The following SLC5A4 variants were observed in gnomAD, a reference collection of about 807,000 sequenced individuals.
The protein encoded by SLC5A4 is solute carrier family 5 member 4, also known as probable glucose sensor protein SLC5A4.
A neutral mutation model predicts 70.3 loss-of-function variants in SLC5A4; 55 were observed. The observed-to-expected ratio is 0.78, with a 90% CI of 0.63 to 0.98. The LOEUF is 0.98. Ranked by LOEUF, SLC5A4 falls within the 50% of genes least tolerant of loss-of-function variation. The pLI is 0.00. For synonymous variants in SLC5A4, 268 were observed against 305.7 expected (o/e 0.88, Z 1.29); for missense variants, 735 against 839.2 (o/e 0.88, Z 1.53).
intron 7 of SLC5A4, among the ~76,000 whole-genome samples, chr22:32,236,464 A>C (rs746664922): frequency 1.3e-5 from 2 of 152,208 alleles, no homozygotes; most frequent in Non-Finnish European, 2.9e-5. Flanking sequence ...ATCCACTACA[A>C]TACATTGTTA....
At chr22:32,326,882 G>C in the SLC5A4 span, among the ~76,000 whole-genome samples, 24 of 152,162 alleles carry the variant, frequency 1.6e-4, no homozygotes, top group Admixed American at 6.5e-5. Context: ...AGATGTCCTT[G>C]CATCTGGAAG....
chr22:32,333,599 GC>G, the SLC5A4 span, among the ~76,000 whole-genome samples: 1 of 152,070 alleles, frequency 6.6e-6, no homozygotes, highest in Non-Finnish European at 1.5e-5. Context: ...TGGTGCCCTT[GC>G]ATCTCCGTGC....
the SLC5A4 span, chr22:32,270,334 G>A: frequency 9.6e-7 from 1 of 1,045,224 alleles, no homozygotes; most frequent in South Asian, 1.3e-5. Context: ...CAGGAAGAAT[G>A]GGGCTCTGTC....
chr22:32,240,667 C>T (rs1926461321), intron 5 of SLC5A4, among the ~76,000 whole-genome samples: 1 of 152,076 alleles, frequency 6.6e-6, no homozygotes, highest in African/African-American at 2.4e-5. Flanking sequence ...TACTTGAAAC[C>T]TTGAAAGAAT....
chr22:32,245,393 T>C (rs963941374), intron 5 of SLC5A4, among the ~76,000 whole-genome samples: 2 of 152,182 alleles, frequency 1.3e-5, no homozygotes, highest in Non-Finnish European at 2.9e-5. Context: ...ACCAACATTC[T>C]GTCCCTCCCC....
chr22:32,245,060 T>A (rs1266981298), intron 5 of SLC5A4, among the ~76,000 whole-genome samples: 1 of 152,150 alleles, frequency 6.6e-6, no homozygotes, highest in Non-Finnish European at 1.5e-5. Context: ...ATAGTTTATA[T>A]CAAATCTCAA....
Position 32,235,020 on chromosome 22 carries a change from C to G in SLC5A4, c.738G>C (p.Gly246=). 1 of 1,613,806 alleles carries G rather than the reference C, an allele frequency of 6.2e-7. No homozygotes were observed. The highest frequency in any genetic ancestry group is 8.5e-7 in the Non-Finnish European group (1 of 1,179,974). ...AACTGGCACTGATTGTCAAGTTGTC[C>G]CCCTCGACTACGGATGGGGTGGCAT... ...YVNATPSVVE[G]DNLTISASCY... Residue 246 remains glycine (G), a synonymous_variant, in exon 8 of 15, where the codon GGG becomes GGC. Transcript: ENST00000266086.
At chr22:32,269,662 C>T in the SLC5A4 span, 6 of 591,912 alleles carry the variant, frequency 1.0e-5, no homozygotes, top group South Asian at 3.0e-5. This position sits in a 1 kb window ranked among gnomAD's most constrained non-coding sequence, Gnocchi z 4.1. Flanking sequence ...GTCGTCAGCT[C>T]GCTGTTATAC....
chr22:32,233,750 C>A (rs1925899029), intron 8 of SLC5A4, among the ~76,000 whole-genome samples: 1 of 151,874 alleles, frequency 6.6e-6, no homozygotes, highest in Non-Finnish European at 1.5e-5. Flanking sequence ...TTGCTGGAGT[C>A]CAGGAGTTTG....
chr22:32,285,682 C>T, the SLC5A4 span, among the ~76,000 whole-genome samples: 1 of 150,786 alleles, frequency 6.6e-6, no homozygotes, highest in Admixed American at 6.6e-5. Flanking sequence ...CTATTTAAGC[C>T]TTTAATATAA....
At chr22:32,270,688 C>T in the SLC5A4 span, 8 of 693,178 alleles carry the variant, frequency 1.2e-5, no homozygotes, top group East Asian at 2.1e-4. Context: ...CATCCACCTG[C>T]TGGAAGGAAT....
intron 11 of SLC5A4, 134 bp downstream of exon 11, chr22:32,229,060 T>C: frequency 1.4e-6 from 1 of 728,390 alleles, no homozygotes; most frequent in South Asian, 2.6e-5. Flanking sequence ...TTGAATTTGA[T>C]GTACTCCAAT....
At chr22:32,325,590 T>A in the SLC5A4 span, among the ~76,000 whole-genome samples, 2 of 152,178 alleles carry the variant, frequency 1.3e-5, no homozygotes, top group Non-Finnish European at 2.9e-5. Flanking sequence ...CTGGACCTGA[T>A]CCCGAGGCTG....
At chr22:32,327,033 T>A in the SLC5A4 span, 87,860 of 152,124 alleles carry the variant, frequency 0.58, 25,493 homozygotes, top group East Asian at 0.65. Context: ...CCAACTGCTG[T>A]CCTCCGGATC....
At chr22:32,222,929 C>T (rs569909597) in intron 13 of SLC5A4, among the ~76,000 whole-genome samples, 2 of 152,176 alleles carry the variant, frequency 1.3e-5, no homozygotes, top group Admixed American at 1.3e-4. Flanking sequence ...AGAGTGTCTC[C>T]CCACTCCCTG....
intron 5 of SLC5A4, among the ~76,000 whole-genome samples, chr22:32,239,390 G>A (rs1352168677): frequency 6.7e-6 from 1 of 149,794 alleles, no homozygotes; most frequent in Non-Finnish European, 1.5e-5. Flanking sequence ...GACAGGCTGA[G>A]TAATTGCTTA....
intron 13 of SLC5A4, among the ~76,000 whole-genome samples, chr22:32,223,927 CT>C (rs913185642): frequency 2.0e-4 from 30 of 147,364 alleles, no homozygotes; most frequent in Non-Finnish European, 2.4e-4. Context: ...GCAAGGAACT[CT>C]TTTTTTTTTT....
the SLC5A4 span, among the ~76,000 whole-genome samples, chr22:32,336,417 T>G: frequency 5.3e-5 from 8 of 152,346 alleles, no homozygotes; most frequent in South Asian, 1.2e-3. Flanking sequence ...TTAAGGCATT[T>G]TAATTAAGAT....
At chr22:32,269,681 G>T in the SLC5A4 span, 3 of 598,304 alleles carry the variant, frequency 5.0e-6, no homozygotes, top group Non-Finnish European at 3.3e-6. The surrounding 1 kb of genome is among the most constrained non-coding windows in gnomAD (Gnocchi z 4.1). Context: ...ACCTGAACCA[G>T]AGCATTCCCC....
Sources: allele counts gnomAD v4.1 joint callset (sites outside exome capture counted in the v4.1 genomes callset), GRCh38; gene constraint gnomAD v4.1.1; non-coding constraint Gnocchi (gnomAD v3.1); transcripts MANE v1.5; gene names NCBI Gene and HGNC (gene_info 2026-07-23, HGNC 2026-07-21).